PRKG1: variants seen among roughly 807,000 people sequenced by gnomAD.
PRKG1 encodes protein kinase cGMP-dependent 1, also known as cGMP-dependent protein kinase 1.
PRKG1 carries 35 observed loss-of-function variants against 88.1 expected under a neutral mutation model. That is an observed-to-expected ratio of 0.40 (90% confidence interval 0.30 to 0.53). The LOEUF is 0.53. Ranked by LOEUF, PRKG1 falls within the 20% of genes least tolerant of loss-of-function variation. The probability of loss-of-function intolerance (pLI) is 0.59; values close to 1 mark genes in which losing one functional copy is unlikely to be tolerated. For missense variants in PRKG1, 540 were observed against 839.8 expected (o/e 0.64, Z 4.41); for synonymous variants, 303 against 292.5 (o/e 1.04, Z -0.37).
intron 7 of PRKG1, chr10:52,128,144 A>G: frequency 2.0e-6 from 2 of 985,412 alleles, no homozygotes; most frequent in African/African-American, 1.7e-5. Flanking sequence ...AAACTGCTGC[A>G]CATGACAGAG....
intron 9 of PRKG1, among the ~76,000 whole-genome samples, chr10:52,191,922 C>T (rs778077584): frequency 1.7e-4 from 26 of 152,004 alleles, no homozygotes; most frequent in Non-Finnish European, 3.5e-4. Flanking sequence ...AAAGCTTTTC[C>T]CATATCAGTT....
chr10:51,079,566 G>A (rs1372209850), intron 1 of PRKG1, among the ~76,000 whole-genome samples: 3 of 152,140 alleles, frequency 2.0e-5, no homozygotes, highest in African/African-American at 7.2e-5. Flanking sequence ...GTACTGTAGT[G>A]GGAACTGTGG....
intron 5 of PRKG1, among the ~76,000 whole-genome samples, chr10:51,941,725 T>C (rs1713742072): frequency 6.6e-6 from 1 of 151,794 alleles, no homozygotes; most frequent in South Asian, 2.1e-4. Context: ...GTCCTTGCGA[T>C]AGTTCACTGA....
intron 5 of PRKG1, among the ~76,000 whole-genome samples, chr10:51,970,815 G>GTA (rs573621951): frequency 0.017 from 2,371 of 139,812 alleles, 33 homozygotes; most frequent in African/African-American, 0.036. Flanking sequence ...CAGATGATGT[G>GTA]TATATATATA....
chr10:51,389,279 C>T (rs1837335745), intron 2 of PRKG1, among the ~76,000 whole-genome samples: 2 of 152,264 alleles, frequency 1.3e-5, no homozygotes, highest in South Asian at 2.1e-4. Flanking sequence ...TATGCAAAGA[C>T]ATTACTCTTA....
intron 7 of PRKG1, among the ~76,000 whole-genome samples, chr10:52,102,707 G>A (rs1420298212): frequency 1.6e-5 from 2 of 128,638 alleles, no homozygotes; most frequent in Non-Finnish European, 3.6e-5. Flanking sequence ...ACTTGATGGA[G>A]ATGAGTACTT....
At chr10:51,117,045 A>G (rs899683045) in intron 1 of PRKG1, among the ~76,000 whole-genome samples, 1 of 152,186 alleles carries the variant, frequency 6.6e-6, no homozygotes, top group African/African-American at 2.4e-5. Context: ...GTTAACCTGT[A>G]CATGACCATT....
chr10:51,362,864 C>T (rs555361534), intron 2 of PRKG1, among the ~76,000 whole-genome samples: 175 of 151,686 alleles, frequency 1.2e-3, no homozygotes, highest in Non-Finnish European at 2.1e-3. Flanking sequence ...CACTTATGAG[C>T]GAGAACATGT....
At chr10:51,933,973 A>G (rs1842749569) in intron 5 of PRKG1, among the ~76,000 whole-genome samples, 1 of 152,188 alleles carries the variant, frequency 6.6e-6, no homozygotes, top group Non-Finnish European at 1.5e-5. Context: ...TTTTTGTTAT[A>G]AAGTACAAAT....
intron 3 of PRKG1, among the ~76,000 whole-genome samples, chr10:51,712,030 CTG>C (rs1841764251): frequency 6.6e-6 from 1 of 152,108 alleles, no homozygotes; most frequent in Non-Finnish European, 1.5e-5. Context: ...AATTTAATGA[CTG>C]TAAGTTTTAT....
At chr10:52,063,494 C>G (rs1260261668) in intron 7 of PRKG1, among the ~76,000 whole-genome samples, 1 of 152,238 alleles carries the variant, frequency 6.6e-6, no homozygotes, top group East Asian at 1.9e-4. Context: ...CTTGTCTTCA[C>G]TTACAATGTG....
intron 2 of PRKG1, among the ~76,000 whole-genome samples, chr10:51,241,338 G>A (rs1839147778): frequency 5.9e-5 from 9 of 151,578 alleles, no homozygotes. Context: ...ACCTCCTTTA[G>A]CTAATTGCTT....
At chr10:51,836,191 T>A (rs1386483422) in intron 4 of PRKG1, among the ~76,000 whole-genome samples, 1 of 152,050 alleles carries the variant, frequency 6.6e-6, no homozygotes, top group Non-Finnish European at 1.5e-5. Context: ...CATCAACCAA[T>A]GGAATAGGAT....
chr10:51,804,925 C>A (rs558508094), intron 4 of PRKG1, among the ~76,000 whole-genome samples: 1 of 151,942 alleles, frequency 6.6e-6, no homozygotes. Context: ...GTTTCCATGA[C>A]GTATGGTTAA....
intron 9 of PRKG1, among the ~76,000 whole-genome samples, chr10:52,210,856 C>T (rs1839952947): frequency 6.6e-6 from 1 of 152,148 alleles, no homozygotes. Flanking sequence ...GAATTCATAA[C>T]ATAATTGCAT....
At chr10:52,101,375 C>G (rs192671561) in intron 7 of PRKG1, among the ~76,000 whole-genome samples, 1 of 152,028 alleles carries the variant, frequency 6.6e-6, no homozygotes, top group African/African-American at 2.4e-5. Flanking sequence ...TTTGTGAGCC[C>G]TATTTAGTCC....
intron 14 of PRKG1, among the ~76,000 whole-genome samples, chr10:52,287,906 A>G (rs1042323903): frequency 1.6e-4 from 24 of 152,042 alleles, no homozygotes; most frequent in African/African-American, 5.8e-4. Flanking sequence ...TGCAAACTCT[A>G]CTCAACTCTG....
intron 7 of PRKG1, among the ~76,000 whole-genome samples, chr10:52,070,927 C>A (rs1404220887): frequency 6.6e-6 from 1 of 152,088 alleles, no homozygotes; most frequent in African/African-American, 2.4e-5. Flanking sequence ...AATGTGTGAT[C>A]TTGTTGATGT....
intron 2 of PRKG1, among the ~76,000 whole-genome samples, chr10:51,450,372 T>A (rs1839398985): frequency 6.6e-6 from 1 of 152,036 alleles, no homozygotes; most frequent in Non-Finnish European, 1.5e-5. Flanking sequence ...GGATTTGTGC[T>A]GACAGAGCCA....
Sources: gnomAD v4.1 joint callset for allele counts (sites outside exome capture counted in the v4.1 genomes callset) on GRCh38, gnomAD v4.1.1 for gene constraint, MANE v1.5 for transcripts, NCBI Gene and HGNC (gene_info 2026-07-23, HGNC 2026-07-21) for gene names.